PBX3: variants seen among roughly 807,000 people sequenced by gnomAD.
PBX3 encodes pre-B-cell leukemia transcription factor 3.
A neutral mutation model predicts 48.5 loss-of-function variants in PBX3; 14 were observed. The ratio of observed to expected loss-of-function variants is 0.29; its 90% CI spans 0.19 to 0.45. The LOEUF is 0.45. PBX3 is among the 20% of genes least tolerant of loss of function. PBX3 has a pLI of 1.00. For missense variants in PBX3, 386 were observed against 546.7 expected (o/e 0.71, Z 2.93); for synonymous variants, 210 against 200.3 (o/e 1.05, Z -0.41).
intron 2 of PBX3, among the ~76,000 whole-genome samples, chr9:125,774,787 T>C (rs2132011618): frequency 6.6e-6 from 1 of 152,304 alleles, no homozygotes; most frequent in African/African-American, 2.4e-5. Context: ...CTAGATCATG[T>C]GTTTAACTTT....
At chr9:125,804,843 C>T (rs370232303) in intron 2 of PBX3, among the ~76,000 whole-genome samples, 5 of 138,860 alleles carry the variant, frequency 3.6e-5, no homozygotes, top group Middle Eastern at 3.7e-3. Context: ...GCTACTCGGG[C>T]GGCTGAGGCA....
intron 2 of PBX3, among the ~76,000 whole-genome samples, chr9:125,783,174 C>T (rs1837367103): frequency 6.6e-6 from 1 of 152,048 alleles, no homozygotes; most frequent in African/African-American, 2.4e-5. Flanking sequence ...TTGGGACTCC[C>T]ATTATTATAT....
At position 125,813,960 on chromosome 9, in the gene PBX3, T is replaced by C. The variant is rs1838376679; in HGVS notation, c.274+65337T>C. On this transcript the variant is annotated intron_variant, in intron 2 of 8. Transcript: ENST00000373489. Reference sequence around the variant, plus strand: ...TGGGCAGATAACCTGAGGTCAGGAGTTCAAGACCAGCCTGGCCAACATGGT... The same window carrying C: ...TGGGCAGATAACCTGAGGTCAGGAGCTCAAGACCAGCCTGGCCAACATGGT... Among the ~76,000 whole-genome samples the C allele has an allele frequency of 2.8e-5, 4 of 144,838 alleles. No homozygotes were observed. The Admixed American group carries it at 2.8e-4, about 10-fold the overall frequency.
chr9:125,818,704 G>A lies in PBX3; in HGVS notation c.274+70081G>A, dbSNP rs546686929. 2.2e-3 allele frequency among the ~76,000 whole-genome samples: 332 copies of A among 152,084 alleles called. 2 individuals carry two copies. The highest frequency in any genetic ancestry group is 7.6e-3 in the African/African-American group (315 of 41,482). ...AAACAGGGTCTTGCTGTGTTGCCCA[G>A]GCTGGTCTTGAACTCCTGGGCTCAA... On this transcript the variant is annotated intron_variant, in intron 2 of 8. Coordinates refer to ENST00000373489, the MANE Select transcript of PBX3 (RefSeq NM_006195.6).
At chr9:125,775,458 A>C (rs1459603730) in intron 2 of PBX3, among the ~76,000 whole-genome samples, 1 of 152,104 alleles carries the variant, frequency 6.6e-6, no homozygotes, top group African/African-American at 2.4e-5. Context: ...ATTCTTTTGG[A>C]TGTAGATATT....
intron 5 of PBX3, among the ~76,000 whole-genome samples, chr9:125,943,455 G>C (rs1387905821): frequency 1.3e-5 from 2 of 150,074 alleles, no homozygotes; most frequent in African/African-American, 2.5e-5. Flanking sequence ...CCCTATACCT[G>C]GAAGAAGTCA....
intron 2 of PBX3, among the ~76,000 whole-genome samples, chr9:125,777,629 G>C (rs1837112624): frequency 1.3e-5 from 2 of 151,938 alleles, no homozygotes; most frequent in African/African-American, 2.4e-5. Context: ...CTCCCAAAGT[G>C]CTGGGATTAC....
Position 125,791,301 on chromosome 9 carries a change from G to GTCTGTCTGTCTATCTA in PBX3, c.274+42681_274+42682insGTCTGTCTATCTATCT, listed in dbSNP as rs1179896723. On this transcript the variant is annotated intron_variant, in intron 2 of 8. Coordinates refer to ENST00000373489, the MANE Select transcript of PBX3 (RefSeq NM_006195.6). ...TTTTTATCTGTCTGTCTGTCTGTCT[G>GTCTGTCTGTCTATCTA]TCTATCTATCTATCTATCTATCTAT... is the stretch of plus-strand genomic sequence containing the variant. 6.3e-3 allele frequency among the ~76,000 whole-genome samples: 685 copies of GTCTGTCTGTCTATCTA among 109,006 alleles called. 15 individuals carry two copies. Among genetic ancestry groups the GTCTGTCTGTCTATCTA allele is most frequent in the East Asian group, 0.05 (167 of 3,322 alleles). 71.5% of individuals were successfully genotyped at this position (109,006 alleles called of 152,430 possible).
Position 125,902,594 on chromosome 9 carries a change from TA to T in PBX3, c.275-13087del, listed in dbSNP as rs1334081441. ...ATTTAAAACACGCACAATACACATA[TA>T]AAAATGTTTATTGATGAAAATATTT... On this transcript the variant is annotated intron_variant, in intron 2 of 8. Transcript: ENST00000373489. Among the ~76,000 whole-genome samples the T allele has an allele frequency of 2.0e-5, 3 of 151,726 alleles. No individual in the cohort carries two copies. The East Asian group carries it at 5.8e-4, about 29-fold the overall frequency.
chr9:125,940,202 A>G (rs1841930253), intron 5 of PBX3, among the ~76,000 whole-genome samples: 1 of 152,170 alleles, frequency 6.6e-6, no homozygotes, highest in Non-Finnish European at 1.5e-5. Context: ...AAAAAGAAGA[A>G]AAAGAATCCA....
In PBX3 at chr9:125,747,451, G is replaced by T; in HGVS notation, c.-3G>T. ...CCGCCCGCTCCCGCCCGCGCGCGGC[G>T]GGATGGACGATCAATCCAGGATGCT... On this transcript the variant is annotated 5_prime_UTR_variant, in exon 1 of 9. Transcript: ENST00000373489. The T allele has an allele frequency of 2.7e-6, 4 of 1,493,630 alleles. No homozygotes were observed. The highest frequency in any genetic ancestry group is 2.8e-5 in the East Asian group (1 of 35,554). 92.5% of individuals were successfully genotyped at this position (1,493,630 alleles called of 1,614,324 possible).
At chr9:125,868,304 C>T (rs1212292375) in intron 2 of PBX3, among the ~76,000 whole-genome samples, 3 of 151,964 alleles carry the variant, frequency 2.0e-5, no homozygotes, top group Non-Finnish European at 4.4e-5. Context: ...ATAAAGAAAA[C>T]GAAAACCAGA....
chr9:125,869,755 A>G (rs1840072079), intron 2 of PBX3, among the ~76,000 whole-genome samples: 1 of 152,210 alleles, frequency 6.6e-6, no homozygotes, highest in Non-Finnish European at 1.5e-5. Flanking sequence ...TCTAAAGGAT[A>G]TATTTTAAGA....
intron 2 of PBX3, among the ~76,000 whole-genome samples, chr9:125,797,861 A>C (rs1837830449): frequency 1.3e-5 from 2 of 152,176 alleles, no homozygotes; most frequent in Admixed American, 1.3e-4. Context: ...GACCAGAAGC[A>C]AAACATTAAC....
At chr9:125,765,497 C>G (rs866722956) in intron 2 of PBX3, among the ~76,000 whole-genome samples, 1 of 152,078 alleles carries the variant, frequency 6.6e-6, no homozygotes, top group Non-Finnish European at 1.5e-5. Context: ...CTCCTGATAT[C>G]TGATAATAGG....
intron 2 of PBX3, among the ~76,000 whole-genome samples, chr9:125,910,996 C>T (rs1263000510): frequency 6.6e-6 from 1 of 151,938 alleles, no homozygotes; most frequent in Non-Finnish European, 1.5e-5. Flanking sequence ...GTCTGCCTTT[C>T]CTGGACTTGG....
chr9:125,897,658 A>G (rs894005181), intron 2 of PBX3, among the ~76,000 whole-genome samples: 5 of 151,944 alleles, frequency 3.3e-5, no homozygotes, highest in African/African-American at 9.7e-5. Context: ...TCTAGTTTAT[A>G]TAGGGAAAAC....
intron 2 of PBX3, among the ~76,000 whole-genome samples, chr9:125,808,307 T>G (rs1380866283): frequency 6.6e-6 from 1 of 152,192 alleles, no homozygotes; most frequent in Non-Finnish European, 1.5e-5. Flanking sequence ...GAATCCAAAC[T>G]GATACCCTTA....
intron 2 of PBX3, among the ~76,000 whole-genome samples, chr9:125,909,002 T>A (rs914285950): frequency 6.6e-6 from 1 of 152,162 alleles, no homozygotes; most frequent in Non-Finnish European, 1.5e-5. Context: ...GCATACTTCA[T>A]ATCTTGCCCT....
Sources: gnomAD v4.1 joint callset for allele counts (sites outside exome capture counted in the v4.1 genomes callset) on GRCh38, gnomAD v4.1.1 for gene constraint, MANE v1.5 for transcripts, NCBI Gene and HGNC (gene_info 2026-07-23, HGNC 2026-07-21) for gene names.